The following POMGNT1 variants were observed in gnomAD, a reference collection of about 807,000 sequenced individuals.
The protein encoded by POMGNT1 is protein O-linked-mannose beta-1,2-N-acetylglucosaminyltransferase 1.
POMGNT1 carries 67 observed loss-of-function variants against 95.6 expected under a neutral mutation model. The ratio of observed to expected loss-of-function variants is 0.70; its 90% CI spans 0.58 to 0.86. The LOEUF is 0.86. POMGNT1 is among the 40% of genes least tolerant of loss of function. The pLI, the probability that POMGNT1 is intolerant of heterozygous loss-of-function variation, is 0.00. For missense variants in POMGNT1, 719 were observed against 855.2 expected, an observed-to-expected ratio of 0.84 and a Z score of 1.99; for synonymous variants, 298 against 317.9, an observed-to-expected ratio of 0.94 and a Z score of 0.66.
In POMGNT1 at chr1:46,196,592, T is replaced by G; in HGVS notation, c.354+139A>C. The G allele has an allele frequency of 6.6e-7, 1 of 1,524,336 alleles. No individual in the cohort carries two copies. Among genetic ancestry groups the G allele is most frequent in the East Asian group, 2.3e-5 (1 of 42,632 alleles). The allele number at this position is 1,524,336 out of a possible 1,614,324, so 94.4% of individuals were successfully genotyped here. ...GAAATCATTAGTCCCAGTCTATAGA[T>G]AAGGAATCGAGGACTCCAAAGTCAC... On this transcript the variant is annotated intron_variant, in intron 4 of 21. Coordinates refer to ENST00000371984, the MANE Select transcript of POMGNT1 (RefSeq NM_017739.4). This position sits in a 1 kb window ranked among gnomAD's most constrained non-coding sequence, Gnocchi z 4.4.
chr1:46,220,209 A>T, exon 1 of POMGNT1: 1 of 1,605,964 alleles, frequency 6.2e-7, no homozygotes, highest in South Asian at 1.1e-5. Context: ...GGATGATGTG[A>T]CCTTCTTGTA....
Position 46,189,179 on chromosome 1 carries a change from C to T in POMGNT1, c.*91G>A, listed in dbSNP as rs989497933. The stretch of plus-strand genomic sequence containing the variant: ...AAAAACAAGGTAGCCCCAGCCCCTA[C>T]CAGCATCTACAAAATCCTACAGGAT... On this transcript the variant is annotated 3_prime_UTR_variant, in exon 22 of 22. Coordinates refer to ENST00000371984, the MANE Select transcript of POMGNT1 (RefSeq NM_017739.4). The T allele has an allele frequency of 2.0e-6, 3 of 1,534,204 alleles. No homozygotes were observed. Among genetic ancestry groups the T allele is most frequent in the Non-Finnish European group, 2.6e-6 (3 of 1,145,582 alleles).
intron 17 of POMGNT1, 96 bp downstream of exon 17, chr1:46,192,002 G>T: frequency 6.8e-7 from 1 of 1,478,806 alleles, no homozygotes; most frequent in Non-Finnish European, 9.3e-7. Flanking sequence ...AAGGTTACAT[G>T]GCTAGCAAGT....
At position 46,196,948 on chromosome 1, in the gene POMGNT1, C is replaced by A; in HGVS notation, c.235+22G>T. On this transcript the variant is annotated intron_variant, in intron 3 of 21. Transcript: ENST00000371984. This position sits in a 1 kb window ranked among gnomAD's most constrained non-coding sequence, Gnocchi z 4.4. ...AGCTGTGAGATCCAAGGCCCCCTACCCCATCCTTAGCCTAGCCCTACCATA... is the reference window on the plus strand; with the variant it reads ...AGCTGTGAGATCCAAGGCCCCCTACACCATCCTTAGCCTAGCCCTACCATA... 4.3e-6 allele frequency: 7 copies of A among 1,614,196 alleles called. No individual in the cohort carries two copies. The highest frequency in any genetic ancestry group is 5.1e-6 in the Non-Finnish European group (6 of 1,180,028).
At chr1:46,219,983 A>G in exon 1 of POMGNT1, 1 of 1,614,224 alleles carries the variant, frequency 6.2e-7, no homozygotes, top group Non-Finnish European at 8.5e-7. Context: ...AACAGGGCCC[A>G]CCTGGGGCTC....
At chr1:46,215,704 G>A (rs1253826611) in intron 1 of POMGNT1, among the ~76,000 whole-genome samples, 1 of 152,184 alleles carries the variant, frequency 6.6e-6, no homozygotes, top group Non-Finnish European at 1.5e-5. Context: ...TTTGAGACCA[G>A]CCTGGGCAAC....
intron 19 of POMGNT1, 184 bp downstream of exon 19, chr1:46,190,289 C>T: frequency 1.3e-6 from 1 of 789,344 alleles, no homozygotes; most frequent in South Asian, 1.4e-5. Flanking sequence ...CATGATCCAC[C>T]CACCTCGGCC....
At chr1:46,191,588 G>A (rs1012924094) in intron 17 of POMGNT1, 1 of 225,912 alleles carries the variant, frequency 4.4e-6, no homozygotes, top group Non-Finnish European at 8.8e-6. Context: ...TACATATATT[G>A]ACTCATTTAA....
rs1411667350 is a variant in POMGNT1 at position 46,203,681 on chromosome 1, A to G, written c.-50-5810T>C. On this transcript the variant is annotated intron_variant, in intron 1 of 22. Coordinates refer to the POMGNT1 transcript ENST00000371992. ...AGTCCCTAGTGTAGGGCCGGGAGGG[A>G]CGAACTCATGCTCCCAGAGTTAAGC... 5 of 1,520,468 alleles carry G rather than the reference A, an allele frequency of 3.3e-6. No individual in the cohort carries two copies. The African/African-American group carries it at 7.0e-5, about 21-fold the overall frequency. 94.2% of individuals were successfully genotyped at this position (1,520,468 alleles called of 1,614,324 possible). A position where few individuals can be genotyped will look rare whatever the true frequency, so the allele number is the denominator to read the frequency against.
rs550007314 is a variant in POMGNT1, at chr1:46,189,701, A to G, written c.1786-134T>C. 5.4e-5 allele frequency: 84 copies of G among 1,546,316 alleles called. No homozygotes were observed. The East Asian group carries it at 1.8e-3, about 34-fold the overall frequency. The stretch of plus-strand genomic sequence containing the variant: ...TGTAAGAGATAGCATCTTTTAGAAT[A>G]TGAATTTGGACAAGGAGGTTGGAAG... On this transcript the variant is annotated intron_variant, in intron 20 of 21. Transcript: ENST00000371984.
chr1:46,195,823 G>T lies in POMGNT1; in HGVS notation c.522C>A (p.Ile174=), dbSNP rs949200631. ...LNMVAPGRVL[I]CTVKDEGSFH... is the part of the protein sequence containing the mutation. ...CAGAATAACTGACCTTGACAGTGCAGATGAGCACTCGGCCGGGCGCTACCA... is the reference window on the plus strand; with the variant it reads ...CAGAATAACTGACCTTGACAGTGCATATGAGCACTCGGCCGGGCGCTACCA... Residue 174 remains isoleucine (I), a synonymous_variant, in exon 6 of 22, where the codon ATC becomes ATA. Transcript: ENST00000371984. 8.1e-6 allele frequency: 13 copies of T among 1,596,008 alleles called. No individual in the cohort carries two copies. Among genetic ancestry groups the T allele is most frequent in the Non-Finnish European group, 1.1e-5 (13 of 1,170,058 alleles).
chr1:46,194,028 G>C (rs774242255), intron 9 of POMGNT1, 103 bp from the exon 10 acceptor site: 205 of 1,569,716 alleles, frequency 1.3e-4, no homozygotes, highest in Non-Finnish European at 1.7e-4. Flanking sequence ...GACTGGAGTA[G>C]ACAGGGAAGG....
At chr1:46,195,500 T>G in intron 6 of POMGNT1, 1 of 423,728 alleles carries the variant, frequency 2.4e-6, no homozygotes, top group Non-Finnish European at 4.4e-6. Context: ...CAAGTTATCA[T>G]TTACTAGCAT....
At chr1:46,214,594 G>A (rs559072127) in intron 1 of POMGNT1, among the ~76,000 whole-genome samples, 18 of 152,188 alleles carry the variant, frequency 1.2e-4, no homozygotes, top group Admixed American at 4.6e-4. Context: ...TAGGCCAGGT[G>A]TGGTGGCTCA....
At chr1:46,193,834 A>G in intron 10 of POMGNT1, 21 bp downstream of exon 10, 1 of 1,613,680 alleles carries the variant, frequency 6.2e-7, no homozygotes, top group Non-Finnish European at 8.5e-7. Context: ...AGTGCTGGGT[A>G]TAGCCCATTC....
rs1410624417 is a variant in POMGNT1 at position 46,188,818 on chromosome 1, A to G, written c.*452T>C. On this transcript the variant is annotated 3_prime_UTR_variant, in exon 22 of 22. Coordinates refer to ENST00000371984, the MANE Select transcript of POMGNT1 (RefSeq NM_017739.4). ...GAGTCTGTGTCAGCATGTGGGCCCCAGCTGGGCCTGTCCATGGGTTGGGCA... is the reference window on the plus strand; with the variant it reads ...GAGTCTGTGTCAGCATGTGGGCCCCGGCTGGGCCTGTCCATGGGTTGGGCA... The G allele has an allele frequency of 6.2e-7, 1 of 1,612,924 alleles. No homozygotes were observed. Among genetic ancestry groups the G allele is most frequent in the East Asian group, 2.2e-5 (1 of 44,880 alleles).
intron 1 of POMGNT1, 58 bp from the exon 2 acceptor site, chr1:46,197,929 CT>C (rs1169941418): frequency 4.5e-6 from 7 of 1,541,928 alleles, no homozygotes; most frequent in Non-Finnish European, 4.4e-6. Context: ...CTGATGCCTT[CT>C]GGGGAGATGA....
chr1:46,212,645 C>T (rs1377029194), intron 1 of POMGNT1, among the ~76,000 whole-genome samples: 1 of 152,116 alleles, frequency 6.6e-6, no homozygotes, highest in Admixed American at 6.6e-5. Context: ...GGCACCATCT[C>T]AGCTCACTGT....
rs377724143 is a variant in POMGNT1, at chr1:46,197,784, A to G, written c.38T>C (p.Phe13Ser). 209 of 1,613,938 alleles carry G rather than the reference A, an allele frequency of 1.3e-4. 1 individual carries two copies. Among genetic ancestry groups the G allele is most frequent in the Middle Eastern group, 1.6e-4 (1 of 6,082 alleles). ...CCAGCTCCGCTTCTTCCGAGCCCCAAAGGGCTTGATGAGGGGGCTGGGCTT... is the reference window on the plus strand; with the variant it reads ...CCAGCTCCGCTTCTTCCGAGCCCCAGAGGGCTTGATGAGGGGGCTGGGCTT... ...DWKPSPLIKPFGARKKRSWYL... is the reference protein window; with the variant it reads ...DWKPSPLIKPSGARKKRSWYL... Residue 13 changes from phenylalanine to serine, a missense_variant, in exon 2 of 22, where the codon TTT becomes TCT. Phe to Ser is a radical substitution (Grantham distance 155). Transcript: ENST00000371984.
Sources: allele counts gnomAD v4.1 joint callset (sites outside exome capture counted in the v4.1 genomes callset), GRCh38; gene constraint gnomAD v4.1.1; non-coding constraint Gnocchi (gnomAD v3.1); transcripts MANE v1.5; gene names NCBI Gene and HGNC (gene_info 2026-07-23, HGNC 2026-07-21).